ASIC2: variants seen among roughly 807,000 people sequenced by gnomAD.
ASIC2 encodes acid-sensing ion channel 2.
In ASIC2, 25 loss-of-function variants were observed where a neutral mutation model predicts 57.3. That is an observed-to-expected ratio of 0.44 (90% CI 0.32 to 0.61). The LOEUF (loss-of-function observed/expected upper bound fraction) is 0.61. ASIC2 is among the 20% of genes least tolerant of loss of function. ASIC2 has a pLI of 0.06. For synonymous variants in ASIC2, 319 were observed against 307.5 expected (o/e 1.04, Z -0.39); for missense variants, 641 against 738.1 (o/e 0.87, Z 1.52).
chr17:34,099,550 G>A, intron 1 of ASIC2, among the ~76,000 whole-genome samples: 1 of 112,180 alleles, frequency 8.9e-6, no homozygotes, highest in African/African-American at 4.0e-5. Flanking sequence ...AGAAAGAAGG[G>A]AAGGAAGGAA....
At chr17:33,555,362 A>G (rs938278159) in intron 1 of ASIC2, among the ~76,000 whole-genome samples, 10 of 152,210 alleles carry the variant, frequency 6.6e-5, no homozygotes, top group Non-Finnish European at 1.2e-4. Flanking sequence ...ACACCAAAAT[A>G]TCTTTTAAGA....
chr17:33,215,142 G>C (rs1279643859), intron 1 of ASIC2, among the ~76,000 whole-genome samples: 1 of 152,194 alleles, frequency 6.6e-6, no homozygotes, highest in Non-Finnish European at 1.5e-5. Context: ...AGTGTGAAAT[G>C]ATCTCTCACC....
intron 1 of ASIC2, among the ~76,000 whole-genome samples, chr17:33,216,132 A>T (rs1320723238): frequency 2.0e-5 from 3 of 152,252 alleles, no homozygotes; most frequent in Non-Finnish European, 4.4e-5. Context: ...TTATTGAATC[A>T]CATGATAATT....
intron 1 of ASIC2, among the ~76,000 whole-genome samples, chr17:33,434,517 C>T (rs920298601): frequency 1.3e-5 from 2 of 152,092 alleles, no homozygotes; most frequent in African/African-American, 2.4e-5. Context: ...GACTTTTTGA[C>T]AACAATGCTT....
chr17:33,632,042 G>A (rs1906189505), intron 1 of ASIC2, among the ~76,000 whole-genome samples: 1 of 152,118 alleles, frequency 6.6e-6, no homozygotes, highest in African/African-American at 2.4e-5. Flanking sequence ...AGTTATAAGT[G>A]AGGGCTTGAG....
intron 3 of ASIC2, among the ~76,000 whole-genome samples, chr17:33,085,995 G>A (rs778593577): frequency 2.7e-4 from 41 of 152,162 alleles, no homozygotes; most frequent in South Asian, 2.1e-4. Context: ...ACACTTCAAA[G>A]CTAACAGCAA....
chr17:33,231,113 A>G (rs1488865426), intron 1 of ASIC2, among the ~76,000 whole-genome samples: 1 of 152,176 alleles, frequency 6.6e-6, no homozygotes, highest in Non-Finnish European at 1.5e-5. Context: ...AGAGCTGGAC[A>G]GAGGAGTTGT....
chr17:34,142,941 A>G (rs1005549288), intron 1 of ASIC2: 2 of 152,238 alleles, frequency 1.3e-5, no homozygotes, highest in African/African-American at 4.8e-5. Context: ...TACCCTGGCA[A>G]GAAGAGACTT....
At chr17:33,969,880 G>A (rs1249032961) in intron 1 of ASIC2, among the ~76,000 whole-genome samples, 1 of 152,122 alleles carries the variant, frequency 6.6e-6, no homozygotes, top group African/African-American at 2.4e-5. Flanking sequence ...AACAGCACCT[G>A]CCTCGCTAGG....
chr17:33,020,319 G>C (rs1302245466), intron 7 of ASIC2, among the ~76,000 whole-genome samples: 1 of 152,178 alleles, frequency 6.6e-6, no homozygotes, highest in Non-Finnish European at 1.5e-5. Flanking sequence ...TGCAGATGAA[G>C]AACCTGAGGT....
intron 1 of ASIC2, among the ~76,000 whole-genome samples, chr17:33,903,948 G>A (rs1915284788): frequency 6.6e-6 from 1 of 152,074 alleles, no homozygotes; most frequent in East Asian, 1.9e-4. Context: ...TGGATCACCT[G>A]AGGTTGGGAG....
At chr17:34,065,141 C>G (rs1054526373) in intron 1 of ASIC2, among the ~76,000 whole-genome samples, 1 of 152,114 alleles carries the variant, frequency 6.6e-6, no homozygotes, top group Non-Finnish European at 1.5e-5. Flanking sequence ...GCCCATCAAA[C>G]AAAGACTGGA....
intron 3 of ASIC2, among the ~76,000 whole-genome samples, chr17:33,081,189 C>G (rs2092111796): frequency 1.3e-5 from 2 of 152,332 alleles, no homozygotes; most frequent in South Asian, 4.1e-4. Context: ...TAATTCCTCC[C>G]TCATCCTCTG....
intron 1 of ASIC2, among the ~76,000 whole-genome samples, chr17:33,165,142 G>A (rs765723720): frequency 3.9e-5 from 6 of 152,322 alleles, no homozygotes; most frequent in East Asian, 1.9e-4. Flanking sequence ...TCTGGACCCC[G>A]AGTTTCTGGA....
At chr17:34,025,858 G>T (rs542474759) in intron 1 of ASIC2, among the ~76,000 whole-genome samples, 2 of 152,166 alleles carry the variant, frequency 1.3e-5, no homozygotes, top group Non-Finnish European at 2.9e-5. Context: ...ATTCAAAAGG[G>T]CTTCTGAGAG....
intron 1 of ASIC2, chr17:34,038,549 A>G (rs1297235663): frequency 6.2e-7 from 1 of 1,610,088 alleles, no homozygotes; most frequent in East Asian, 2.2e-5. Flanking sequence ...AAGATGTAAC[A>G]ACAAATATCT....
At chr17:33,033,479 C>T (rs974669843) in intron 3 of ASIC2, among the ~76,000 whole-genome samples, 2 of 152,210 alleles carry the variant, frequency 1.3e-5, no homozygotes, top group South Asian at 2.1e-4. Flanking sequence ...CTCCCAGGTA[C>T]AGCTGCAGCT....
At chr17:33,263,173 T>G (rs1909345128) in intron 1 of ASIC2, among the ~76,000 whole-genome samples, 1 of 152,204 alleles carries the variant, frequency 6.6e-6, no homozygotes, top group African/African-American at 2.4e-5. Flanking sequence ...GTACACCGCC[T>G]GGTTGCATAA....
At chr17:33,585,839 T>A (rs1904611428) in intron 1 of ASIC2, among the ~76,000 whole-genome samples, 1 of 152,228 alleles carries the variant, frequency 6.6e-6, no homozygotes, top group Admixed American at 6.5e-5. Flanking sequence ...ATCTTTTACT[T>A]TATTACATAT....
Sources: allele counts gnomAD v4.1 joint callset (sites outside exome capture counted in the v4.1 genomes callset), GRCh38; gene constraint gnomAD v4.1.1; transcripts MANE v1.5; gene names NCBI Gene and HGNC (gene_info 2026-07-23, HGNC 2026-07-21).